The following EXOC6 variants were observed in gnomAD, a reference collection of about 807,000 sequenced individuals.
EXOC6 encodes the protein exocyst complex component 6.
Under a neutral mutation model 112.5 loss-of-function variants are expected in EXOC6, and 60 were observed. That is an observed-to-expected ratio of 0.53 (90% CI 0.43 to 0.66). EXOC6 has a LOEUF of 0.66. Ranked by LOEUF, EXOC6 falls within the 30% of genes least tolerant of loss-of-function variation. The pLI is 0.00. For missense variants in EXOC6, 855 were observed against 957.1 expected (o/e 0.89, Z 1.41); for synonymous variants, 295 against 308.0 (o/e 0.96, Z 0.44).
chr10:92,978,031 A>G (rs1391449105), intron 18 of EXOC6, among the ~76,000 whole-genome samples: 2 of 152,208 alleles, frequency 1.3e-5, no homozygotes, highest in Admixed American at 1.3e-4. Context: ...TCTATAAAGG[A>G]AATAAATTTT....
chr10:92,964,153 AAAT>A (rs1229621499), intron 17 of EXOC6, among the ~76,000 whole-genome samples: 14 of 151,908 alleles, frequency 9.2e-5, no homozygotes, highest in Non-Finnish European at 2.1e-4. Context: ...AATGTAAAGA[AAAT>A]AATAAAACAA....
At chr10:93,025,879 C>T (rs181864835) in intron 20 of EXOC6, among the ~76,000 whole-genome samples, 34 of 152,258 alleles carry the variant, frequency 2.2e-4, no homozygotes, top group Non-Finnish European at 4.4e-4. Flanking sequence ...AGCCCCCACC[C>T]CACACTGTGC....
Position 92,948,346 on chromosome 10 carries a change from C to G in EXOC6, c.1383C>G (p.Ser461Arg). The change falls in exon 14 of 22, where the codon AGC becomes AGG. Residue 461 changes from serine (S) to arginine (R), a missense_variant. By Grantham distance (110) the Ser-to-Arg change is moderately radical. This residue lies in a region of EXOC6 where 450 missense variants were observed against 563.5 expected (regional missense o/e 0.80). Transcript: ENST00000260762. ...AAGAAGAATATAAAATTGTCATCAG[C>G]AAATTTCCCTTTCAAGATCCAGACC... ...VNEEEYKIVI[S>R]KFPFQDPDLE... The G allele has an allele frequency of 6.2e-7, 1 of 1,606,036 alleles. No individual in the cohort carries two copies. The highest frequency in any genetic ancestry group is 1.7e-5 in the Admixed American group (1 of 58,770).
chr10:92,940,902 A>G, intron 13 of EXOC6, 78 bp downstream of exon 13: 1 of 896,590 alleles, frequency 1.1e-6, no homozygotes, highest in South Asian at 1.5e-5. Context: ...ATATATTAAT[A>G]AAAATGCTTA....
chr10:92,848,790 A>G (rs1249541927), intron 1 of EXOC6, among the ~76,000 whole-genome samples, 156 bp downstream of exon 1: 1 of 151,126 alleles, frequency 6.6e-6, no homozygotes, highest in African/African-American at 2.4e-5. Flanking sequence ...GCGGAACTCT[A>G]GCCGGTACCC....
chr10:92,894,713 G>A (rs1330027759), intron 2 of EXOC6, 81 bp from the exon 3 acceptor site: 2 of 1,064,642 alleles, frequency 1.9e-6, no homozygotes, highest in East Asian at 4.8e-5. Flanking sequence ...CATGAAGCAT[G>A]ATCTGATTAC....
chr10:92,880,535 TGTA>T (rs1848908687), intron 1 of EXOC6, among the ~76,000 whole-genome samples: 1 of 152,206 alleles, frequency 6.6e-6, no homozygotes, highest in African/African-American at 2.4e-5. Flanking sequence ...GTGAATTGAA[TGTA>T]GAAATAGAAG....
intron 5 of EXOC6, among the ~76,000 whole-genome samples, chr10:92,905,285 A>G (rs902548463): frequency 3.9e-5 from 6 of 152,112 alleles, no homozygotes; most frequent in African/African-American, 1.4e-4. Flanking sequence ...TATGAACTTC[A>G]GAATCACATT....
chr10:92,922,644 C>T (rs1412691209), intron 8 of EXOC6, among the ~76,000 whole-genome samples: 1 of 152,126 alleles, frequency 6.6e-6, no homozygotes, highest in Non-Finnish European at 1.5e-5. Context: ...AAAAGGGATT[C>T]TCTTTGGAAA....
chr10:92,932,296 G>A (rs748803245), intron 9 of EXOC6, among the ~76,000 whole-genome samples: 3 of 152,082 alleles, frequency 2.0e-5, no homozygotes, highest in Non-Finnish European at 4.4e-5. Context: ...CTATGGGTTC[G>A]GCAGGATAAT....
intron 20 of EXOC6, among the ~76,000 whole-genome samples, chr10:93,036,218 C>CAAA (rs58823676): frequency 7.1e-6 from 1 of 140,596 alleles, no homozygotes. Flanking sequence ...AACTCCATCT[C>CAAA]AAAAAAAAAA....
At chr10:92,972,383 G>A (rs1439004848) in intron 17 of EXOC6, among the ~76,000 whole-genome samples, 1 of 152,148 alleles carries the variant, frequency 6.6e-6, no homozygotes, top group South Asian at 2.1e-4. Context: ...GGGAGTGCAG[G>A]CACACTTGAG....
intron 18 of EXOC6, among the ~76,000 whole-genome samples, chr10:92,991,265 G>A (rs964085751): frequency 1.3e-5 from 2 of 151,342 alleles, no homozygotes; most frequent in African/African-American, 2.4e-5. Context: ...GTGACACCCC[G>A]TCTCTACCAA....
At chr10:93,019,874 T>C (rs1313820245) in intron 20 of EXOC6, among the ~76,000 whole-genome samples, 3 of 152,210 alleles carry the variant, frequency 2.0e-5, no homozygotes, top group African/African-American at 4.8e-5. Context: ...TTTCCTACCC[T>C]TGAGGCTTTT....
chr10:93,002,075 A>G (rs1408614111), intron 19 of EXOC6, among the ~76,000 whole-genome samples: 1 of 152,218 alleles, frequency 6.6e-6, no homozygotes, highest in Non-Finnish European at 1.5e-5. Flanking sequence ...AACCTTTTTC[A>G]GTAGCTAGAA....
At chr10:93,051,888 T>G (rs1473544530) in intron 20 of EXOC6, among the ~76,000 whole-genome samples, 1 of 152,170 alleles carries the variant, frequency 6.6e-6, no homozygotes, top group Non-Finnish European at 1.5e-5. Context: ...AATGATCTCC[T>G]GGTTTACTTT....
intron 18 of EXOC6, among the ~76,000 whole-genome samples, chr10:92,977,829 T>G (rs556037983): frequency 6.6e-6 from 1 of 152,208 alleles, no homozygotes; most frequent in South Asian, 2.1e-4. Context: ...ATGTCTCACC[T>G]TCCAAGGTCA....
chr10:92,997,205 T>G (rs1056294247), intron 18 of EXOC6, among the ~76,000 whole-genome samples: 3 of 152,202 alleles, frequency 2.0e-5, no homozygotes, highest in Admixed American at 6.5e-5. Flanking sequence ...ATAATAGTTT[T>G]TAACTGGTAT....
intron 18 of EXOC6, among the ~76,000 whole-genome samples, chr10:92,994,303 T>C (rs1308348622): frequency 1.3e-5 from 2 of 152,216 alleles, no homozygotes; most frequent in Non-Finnish European, 2.9e-5. Context: ...AATGTCTCTT[T>C]ACCACAATTG....
Sources: gnomAD v4.1 joint callset for allele counts (sites outside exome capture counted in the v4.1 genomes callset) on GRCh38, gnomAD v4.1.1 for gene constraint, gnomAD v4.1.1 regional missense constraint, MANE v1.5 for transcripts, NCBI Gene and HGNC (gene_info 2026-07-23, HGNC 2026-07-21) for gene names.